Variants in ADAMTS20 observed in about 807,000 individuals in gnomAD.
The protein encoded by ADAMTS20 is A disintegrin and metalloproteinase with thrombospondin motifs 20.
In ADAMTS20, 225 loss-of-function variants were observed where a neutral mutation model predicts 260.1. That is an observed-to-expected ratio of 0.87 (90% CI 0.78 to 0.97). The LOEUF (loss-of-function observed/expected upper bound fraction) is 0.97. Among genes scored for constraint, ADAMTS20 ranks in the 50% least tolerant of loss-of-function variants. The pLI is 0.00. For missense variants in ADAMTS20, 2,400 were observed against 2,337.7 expected, an observed-to-expected ratio of 1.03 and a Z score of -0.55; for synonymous variants, 802 against 769.5, an observed-to-expected ratio of 1.04 and a Z score of -0.70.
rs1234623257 is a variant in ADAMTS20 at position 43,375,361 on chromosome 12, T to C, written c.5446+18A>G. ...AAATGGAGGCTTTTTGATTTTAAAA[T>C]ATAGATTGAGCACTTACTTTTAATT... On this transcript the variant is annotated intron_variant, in intron 36 of 38. Transcript: ENST00000389420. The C allele has an allele frequency of 1.2e-6, 2 of 1,605,744 alleles. No individual in the cohort carries two copies. The highest frequency in any genetic ancestry group is 1.7e-5 in the Admixed American group (1 of 57,676).
chr12:43,397,233 T>C (rs1188111907), intron 29 of ADAMTS20, among the ~76,000 whole-genome samples: 2 of 152,148 alleles, frequency 1.3e-5, no homozygotes, highest in Admixed American at 6.6e-5. Flanking sequence ...AAACAAAATG[T>C]CCATTGTCGC....
At position 43,513,828 on chromosome 12, in the gene ADAMTS20, G is replaced by A. The variant is rs937821031; in HGVS notation, c.614-11423C>T. On this transcript the variant is annotated intron_variant, in intron 3 of 38. Transcript: ENST00000389420. ...TTGCAAGGACAAAAAAACAAACACC[G>A]CATGTTCTCACTCATAGGTAGGAAT... Among the ~76,000 whole-genome samples, 6 of 150,270 alleles carry A rather than the reference G, an allele frequency of 4.0e-5. No homozygotes were observed. The East Asian group carries it at 8.0e-4, about 20-fold the overall frequency.
At chr12:43,410,487 A>G (rs1262844097) in intron 28 of ADAMTS20, among the ~76,000 whole-genome samples, 1 of 152,232 alleles carries the variant, frequency 6.6e-6, no homozygotes, top group African/African-American at 2.4e-5. Flanking sequence ...AACATTTCAA[A>G]GTACAGTACA....
intron 7 of ADAMTS20, among the ~76,000 whole-genome samples, chr12:43,483,210 G>A (rs763698351): frequency 6.6e-6 from 1 of 152,150 alleles, no homozygotes; most frequent in African/African-American, 2.4e-5. Context: ...GGGTGTGGCA[G>A]CCTCACTGGG....
chr12:43,427,361 G>A lies in ADAMTS20; in HGVS notation c.4054C>T (p.Gln1352Ter). Residue 1352 changes from glutamine to a stop codon, truncating the protein, a stop_gained, in exon 27 of 39, where the codon CAG (glutamine) becomes TAG (stop). Transcript: ENST00000389420. LOFTEE classifies it high-confidence loss of function. Reference sequence around the variant, plus strand: ...GGACAAGGCCCTGGACCACATTGCTGTAACTCTGGAGGCTTGGAGGCTGCA... The same window carrying A: ...GGACAAGGCCCTGGACCACATTGCTATAACTCTGGAGGCTTGGAGGCTGCA... ...CDAASKPPEL[Q>*]QCGPGPCPQW... The A allele has an allele frequency of 1.9e-6, 3 of 1,613,862 alleles. No individual in the cohort carries two copies. Among genetic ancestry groups the A allele is most frequent in the South Asian group, 1.1e-5 (1 of 91,072 alleles).
At chr12:43,540,693 G>T (rs577803353) in intron 2 of ADAMTS20, among the ~76,000 whole-genome samples, 2 of 152,110 alleles carry the variant, frequency 1.3e-5, no homozygotes, top group Admixed American at 6.5e-5. Flanking sequence ...CATATTTTTA[G>T]CAACATGACT....
At chr12:43,500,646 T>A (rs938280767) in intron 4 of ADAMTS20, among the ~76,000 whole-genome samples, 1 of 152,302 alleles carries the variant, frequency 6.6e-6, no homozygotes, top group South Asian at 2.1e-4. Context: ...TTTTACACAA[T>A]TTCAAAAAAT....
rs761133696 is a variant in ADAMTS20 at position 43,354,223 on chromosome 12, T to C, written c.5719A>G (p.Ile1907Val). The C allele has an allele frequency of 6.3e-6, 10 of 1,587,116 alleles. No individual in the cohort carries two copies. The East Asian group carries it at 1.6e-4, about 25-fold the overall frequency. The change falls in exon 39 of 39, where the codon ATT (isoleucine) becomes GTT (valine). Residue 1907 changes from isoleucine to valine, a missense_variant. Transcript: ENST00000389420. Reference protein sequence around the residue: ...CLPHMTTGLPIQVI With the variant: ...CLPHMTTGLPVQVI Reference sequence around the variant, plus strand: ...CTTCTAAATGTTCATATGACTTGAATTGGGAGACCAGTAGTCATGTGAGGA... The same window carrying C: ...CTTCTAAATGTTCATATGACTTGAACTGGGAGACCAGTAGTCATGTGAGGA...
At chr12:43,529,643 G>A (rs1446827649) in intron 3 of ADAMTS20, among the ~76,000 whole-genome samples, 1 of 152,102 alleles carries the variant, frequency 6.6e-6, no homozygotes, top group Non-Finnish European at 1.5e-5. Flanking sequence ...ATGGACTTTG[G>A]AGACTCAGAA....
intron 28 of ADAMTS20, among the ~76,000 whole-genome samples, chr12:43,400,164 C>G (rs1230317899): frequency 2.0e-5 from 3 of 151,950 alleles, no homozygotes; most frequent in African/African-American, 7.2e-5. Flanking sequence ...TTCATATAGT[C>G]TCAGAGAGGA....
chr12:43,530,643 C>T (rs1195216778), intron 3 of ADAMTS20, among the ~76,000 whole-genome samples: 1 of 152,092 alleles, frequency 6.6e-6, no homozygotes, highest in Non-Finnish European at 1.5e-5. Flanking sequence ...CTAATCCCAC[C>T]CTTTTGTCTA....
chr12:43,506,364 T>C (rs1000045890), intron 3 of ADAMTS20, among the ~76,000 whole-genome samples: 2 of 152,118 alleles, frequency 1.3e-5, no homozygotes, highest in Non-Finnish European at 2.9e-5. Context: ...TGAATGTATA[T>C]AGTCTCAGTT....
chr12:43,375,175 A>G (rs1295101270), intron 36 of ADAMTS20, among the ~76,000 whole-genome samples: 1 of 139,420 alleles, frequency 7.2e-6, no homozygotes, highest in Non-Finnish European at 1.6e-5. Context: ...TGCGTCTCAA[A>G]AAAAAAAAAA....
intron 26 of ADAMTS20, among the ~76,000 whole-genome samples, chr12:43,427,951 A>G (rs1489009908): frequency 1.3e-5 from 2 of 152,154 alleles, no homozygotes; most frequent in Non-Finnish European, 2.9e-5. Context: ...ATAAACATTT[A>G]TAGTCTTACC....
intron 28 of ADAMTS20, among the ~76,000 whole-genome samples, chr12:43,421,291 A>AAAAAC (rs1565689618): frequency 7.3e-5 from 11 of 151,650 alleles, no homozygotes; most frequent in East Asian, 1.9e-4. Context: ...ACAAAAAAAA[A>AAAAAC]AAAAAAACTT....
At chr12:43,489,793 A>G (rs1449771144) in intron 7 of ADAMTS20, among the ~76,000 whole-genome samples, 4 of 151,980 alleles carry the variant, frequency 2.6e-5, no homozygotes, top group Non-Finnish European at 5.9e-5. Context: ...CCAAATACAC[A>G]CTAATATGAT....
chr12:43,355,985 TC>T (rs769417756), intron 38 of ADAMTS20, among the ~76,000 whole-genome samples: 15 of 152,064 alleles, frequency 9.9e-5, no homozygotes, highest in Non-Finnish European at 1.9e-4. Flanking sequence ...AAATACATAA[TC>T]CTAATTCTTG....
chr12:43,376,164 A>G lies in ADAMTS20; in HGVS notation c.5221-16T>C. The G allele has an allele frequency of 4.5e-6, 7 of 1,572,888 alleles. No individual in the cohort carries two copies. Among genetic ancestry groups the G allele is most frequent in the Non-Finnish European group, 6.0e-6 (7 of 1,161,288 alleles). ...CACAATAAATCTAAAGAAAAAATGT[A>G]AACATCTAGAAAAACTTTTTCCAAA... On this transcript the variant is annotated splice_polypyrimidine_tract_variant and intron_variant, in intron 34 of 38. Coordinates refer to ENST00000389420, the MANE Select transcript of ADAMTS20 (RefSeq NM_025003.5).
chr12:43,352,780 A>G (rs1048599968), downstream of ADAMTS20, among the ~76,000 whole-genome samples: 7 of 152,224 alleles, frequency 4.6e-5, no homozygotes, highest in East Asian at 1.9e-4. Context: ...TCATAAAAAT[A>G]TGTTTATTTA....
Sources: gnomAD v4.1 joint callset for allele counts (sites outside exome capture counted in the v4.1 genomes callset) on GRCh38, gnomAD v4.1.1 for gene constraint, MANE v1.5 for transcripts, NCBI Gene and HGNC (gene_info 2026-07-23, HGNC 2026-07-21) for gene names.